The following PIGL variants were observed in gnomAD, a reference collection of about 807,000 sequenced individuals.
PIGL encodes N-acetylglucosaminyl-phosphatidylinositol de-N-acetylase.
In PIGL, 22 loss-of-function variants were observed where a neutral mutation model predicts 31.1. The ratio of observed to expected loss-of-function variants is 0.71; its 90% CI spans 0.51 to 1.01. PIGL has a LOEUF of 1.01. Ranked by LOEUF, PIGL falls within the 50% of genes least tolerant of loss-of-function variation. The probability of loss-of-function intolerance (pLI) is 0.00; values close to 1 mark genes in which losing one functional copy is unlikely to be tolerated. For missense variants in PIGL, 302 were observed against 315.9 expected (o/e 0.96, Z 0.33); for synonymous variants, 131 against 117.4 (o/e 1.12, Z -0.75).
At chr17:16,320,203 AAGGAAGGAAGG>A (rs2093097314) in intron 6 of PIGL, among the ~76,000 whole-genome samples, 1 of 1,694 alleles carries the variant, frequency 5.9e-4, no homozygotes, top group South Asian at 0.036. Context: ...AGAGAAAGAA[AAGGAAGGAAGG>A]AAGGAAGGAA....
chr17:16,240,218 C>G (rs985422896), intron 2 of PIGL, among the ~76,000 whole-genome samples: 3 of 152,154 alleles, frequency 2.0e-5, no homozygotes, highest in African/African-American at 7.2e-5. Flanking sequence ...CTTGCTCCCC[C>G]TTTGCCTTCT....
chr17:16,299,808 TG>T, intron 2 of PIGL, 79 bp from the exon 3 acceptor site: 1 of 953,756 alleles, frequency 1.0e-6, no homozygotes, highest in Non-Finnish European at 1.7e-6. Flanking sequence ...ATCATAAAAC[TG>T]GGCATGCACC....
At chr17:16,231,697 C>A (rs530326323) in intron 1 of PIGL, among the ~76,000 whole-genome samples, 27 of 152,164 alleles carry the variant, frequency 1.8e-4, no homozygotes, top group African/African-American at 6.5e-4. Flanking sequence ...ATTATGATTG[C>A]TAGTTATGAC....
Position 16,235,237 on chromosome 17 carries a change from A to C in PIGL, c.335+1167A>C, listed in dbSNP as rs546090044. ...AGTCCATATCAGAATTTCTTCAGGT[A>C]GCTCAAAGATTTCCTTTTACAATTG... On this transcript the variant is annotated intron_variant, in intron 2 of 6. Coordinates refer to ENST00000225609, the MANE Select transcript of PIGL (RefSeq NM_004278.4). Among the ~76,000 whole-genome samples, 6 of 152,324 alleles carry C rather than the reference A, an allele frequency of 3.9e-5. No homozygotes were observed. In the South Asian group the frequency reaches 1.2e-3, roughly 32 times the overall value.
intron 1 of PIGL, among the ~76,000 whole-genome samples, chr17:16,220,807 A>G (rs2142631782): frequency 6.6e-6 from 1 of 151,900 alleles, no homozygotes; most frequent in African/African-American, 2.4e-5. Context: ...TAATGTTTGT[A>G]TTTTCAGTAG....
At chr17:16,313,913 A>G (rs1182821203) in intron 4 of PIGL, among the ~76,000 whole-genome samples, 1 of 152,116 alleles carries the variant, frequency 6.6e-6, no homozygotes, top group African/African-American at 2.4e-5. Flanking sequence ...TGGCCACAGG[A>G]AGCTTGAGGG....
rs2093063778 is a variant in PIGL, at chr17:16,313,555, T to G, written c.435T>G (p.Thr145=). Residue 145 remains threonine (T), a synonymous_variant, in exon 4 of 7, where the codon ACT becomes ACG. Coordinates refer to ENST00000225609, the MANE Select transcript of PIGL (RefSeq NM_004278.4). ...IEVNGINLVV[T]FDAGGVSGHS... ...CCTGTGTTTCTCTACAGGTGGTGAC[T>G]TTCGATGCAGGGGGAGTAAGTGGCC... The G allele has an allele frequency of 6.2e-7, 1 of 1,613,536 alleles. No individual in the cohort carries two copies. Among genetic ancestry groups the G allele is most frequent in the Non-Finnish European group, 8.5e-7 (1 of 1,179,522 alleles).
chr17:16,291,938 G>A (rs1353554248), intron 2 of PIGL, among the ~76,000 whole-genome samples: 2 of 151,770 alleles, frequency 1.3e-5, no homozygotes, highest in Non-Finnish European at 2.9e-5. Flanking sequence ...GACTAGCCTG[G>A]GCAACATAGC....
At chr17:16,300,064 C>G (rs1641074915) in intron 3 of PIGL, 86 bp downstream of exon 3, 1 of 964,462 alleles carries the variant, frequency 1.0e-6, no homozygotes, top group African/African-American at 1.6e-5. Flanking sequence ...CTGTGGCCAC[C>G]CTCCCACTTC....
chr17:16,313,778 A>G (rs549086939), intron 4 of PIGL, among the ~76,000 whole-genome samples, 164 bp downstream of exon 4: 29 of 152,324 alleles, frequency 1.9e-4, no homozygotes, highest in African/African-American at 6.5e-4. Flanking sequence ...GCATCTCACC[A>G]TGTCCTCTCG....
chr17:16,270,289 CA>C (rs11415569), intron 2 of PIGL, among the ~76,000 whole-genome samples: 19 of 143,486 alleles, frequency 1.3e-4, no homozygotes, highest in African/African-American at 2.0e-4. Flanking sequence ...AACTCCATGT[CA>C]AAAAAAAAAA....
intron 2 of PIGL, among the ~76,000 whole-genome samples, chr17:16,274,527 A>G (rs902753081): frequency 1.3e-5 from 2 of 152,088 alleles, no homozygotes; most frequent in Non-Finnish European, 2.9e-5. Context: ...GTTCGAGATC[A>G]GCCTGGCCAA....
chr17:16,245,893 C>T (rs140784948), intron 2 of PIGL, among the ~76,000 whole-genome samples: 7,145 of 151,490 alleles, frequency 0.047, 194 homozygotes, highest in African/African-American at 0.085. Context: ...AATCTCAGCT[C>T]GCTTCAAGCT....
chr17:16,249,176 T>C (rs1221322221), intron 2 of PIGL, among the ~76,000 whole-genome samples: 1 of 152,174 alleles, frequency 6.6e-6, no homozygotes, highest in Non-Finnish European at 1.5e-5. Flanking sequence ...AATTTATACA[T>C]TTAAAATGTA....
chr17:16,217,558 G>A (rs1018736229), intron 1 of PIGL, 97 bp downstream of exon 1: 2 of 945,060 alleles, frequency 2.1e-6, no homozygotes, highest in Non-Finnish European at 1.6e-6. Flanking sequence ...TTTTCCGTAG[G>A]GAGCTAAGTG....
At chr17:16,241,136 A>ATT (rs56031156) in intron 2 of PIGL, among the ~76,000 whole-genome samples, 1 of 149,798 alleles carries the variant, frequency 6.7e-6, no homozygotes, top group African/African-American at 2.5e-5. Flanking sequence ...AAAAAAAAAA[A>ATT]GAAGTGGCAG....
chr17:16,249,361 C>G (rs2092761494), intron 2 of PIGL, among the ~76,000 whole-genome samples: 1 of 152,128 alleles, frequency 6.6e-6, no homozygotes, highest in Admixed American at 6.6e-5. Flanking sequence ...CGCCTGTAGT[C>G]CCAGCTACTC....
chr17:16,281,867 C>G, intron 2 of PIGL: 1 of 242,498 alleles, frequency 4.1e-6, no homozygotes, highest in Admixed American at 4.1e-5. Flanking sequence ...GGTGGGGTGC[C>G]CACTGGTACA....
intron 2 of PIGL, among the ~76,000 whole-genome samples, chr17:16,275,350 C>A (rs532965136): frequency 3.9e-5 from 6 of 152,326 alleles, no homozygotes; most frequent in Admixed American, 2.6e-4. Context: ...CACCAGAGGT[C>A]ACTTTCATTG....
Sources: gnomAD v4.1 joint callset for allele counts (sites outside exome capture counted in the v4.1 genomes callset) on GRCh38, gnomAD v4.1.1 for gene constraint, MANE v1.5 for transcripts, NCBI Gene and HGNC (gene_info 2026-07-23, HGNC 2026-07-21) for gene names.